The following HNRNPC variants were observed in gnomAD, a reference collection of about 807,000 sequenced individuals.
The protein encoded by HNRNPC is heterogeneous nuclear ribonucleoprotein C.
A neutral mutation model predicts 33.2 loss-of-function variants in HNRNPC; 3 were observed. The observed-to-expected ratio is 0.09, with a 90% confidence interval of 0.04 to 0.23. The LOEUF is 0.23. Among genes scored for constraint, HNRNPC ranks in the 10% least tolerant of loss-of-function variants. The pLI is 1.00. For synonymous variants in HNRNPC, 121 were observed against 126.7 expected (o/e 0.96, Z 0.30); for missense variants, 143 against 366.7 (o/e 0.39, Z 4.98).
At chr14:21,230,248 C>G (rs1893963323) in intron 5 of HNRNPC, 71 bp downstream of exon 5, 2 of 1,127,216 alleles carry the variant, frequency 1.8e-6, no homozygotes, top group Non-Finnish European at 1.3e-6. Context: ...TGTTCATCAC[C>G]ACAAACCAGA....
chr14:21,251,100 A>G (rs1896605144), intron 2 of HNRNPC, among the ~76,000 whole-genome samples: 1 of 151,798 alleles, frequency 6.6e-6, no homozygotes. Context: ...TCTCTACTGA[A>G]AACACAAAAA....
At chr14:21,241,243 G>A (rs1895301387) in intron 2 of HNRNPC, among the ~76,000 whole-genome samples, 1 of 123,632 alleles carries the variant, frequency 8.1e-6, no homozygotes, top group Non-Finnish European at 1.6e-5. Flanking sequence ...TGGGAACAGA[G>A]CAAGACTATG....
At chr14:21,231,297 C>T (rs1894084780) in intron 3 of HNRNPC, 1 of 639,438 alleles carries the variant, frequency 1.6e-6, no homozygotes, top group Non-Finnish European at 2.9e-6. Flanking sequence ...CCATGCCCAG[C>T]TAATACAAAC....
Position 21,257,716 on chromosome 14 carries a change from G to A in HNRNPC, c.-37+5595C>T, listed in dbSNP as rs116355556. Among the ~76,000 whole-genome samples the A allele has an allele frequency of 8.2e-3, 1,254 of 152,230 alleles. 20 individuals are homozygous for A. The highest frequency in any genetic ancestry group is 0.029 in the African/African-American group (1,199 of 41,536). On this transcript the variant is annotated intron_variant, in intron 2 of 8. Coordinates refer to ENST00000553300, the MANE Select transcript of HNRNPC (RefSeq NM_004500.4). ...TTCTACCGCCTCAGCCTCCCAGGGA[G>A]CTACACTACAGCTGTGTGCCACCGT...
intron 5 of HNRNPC, among the ~76,000 whole-genome samples, chr14:21,214,943 T>C (rs1366893400): frequency 6.6e-6 from 1 of 152,112 alleles, no homozygotes; most frequent in Admixed American, 6.6e-5. Context: ...CTAATCTACC[T>C]CCTAAGCCAC....
At chr14:21,232,970 G>A (rs1176297308) in intron 3 of HNRNPC, among the ~76,000 whole-genome samples, 1 of 151,924 alleles carries the variant, frequency 6.6e-6, no homozygotes, top group Non-Finnish European at 1.5e-5. Flanking sequence ...CCGGGAGGCT[G>A]AGGTTACAAT....
intron 2 of HNRNPC, among the ~76,000 whole-genome samples, chr14:21,243,780 A>G (rs951571353): frequency 1.3e-5 from 2 of 152,150 alleles, no homozygotes; most frequent in Non-Finnish European, 2.9e-5. Flanking sequence ...TCTTTTATAT[A>G]AATCTGTGAC....
At chr14:21,238,555 TA>T (rs1412953135) in intron 2 of HNRNPC, among the ~76,000 whole-genome samples, 2 of 152,172 alleles carry the variant, frequency 1.3e-5, no homozygotes, top group Non-Finnish European at 2.9e-5. Flanking sequence ...AAATATTCCT[TA>T]AAACAGAAAA....
intron 5 of HNRNPC, among the ~76,000 whole-genome samples, chr14:21,226,629 G>A (rs1293869827): frequency 6.6e-6 from 1 of 152,006 alleles, no homozygotes; most frequent in Non-Finnish European, 1.5e-5. Context: ...GGCCAAGGCA[G>A]GGAGATCCCT....
At chr14:21,212,690 G>A (rs1162349521) in intron 6 of HNRNPC, among the ~76,000 whole-genome samples, 3 of 151,874 alleles carry the variant, frequency 2.0e-5, no homozygotes, top group Admixed American at 6.6e-5. Context: ...TTACATGCAC[G>A]CACCACCATC....
intron 2 of HNRNPC, among the ~76,000 whole-genome samples, chr14:21,235,882 C>T (rs117866221): frequency 0.017 from 2,592 of 152,038 alleles, 36 homozygotes; most frequent in Non-Finnish European, 0.027. Context: ...TGAGGGGCTC[C>T]GTAAGCCAAC....
In HNRNPC at chr14:21,268,191, G is replaced by GT. The variant is rs139184020; in HGVS notation, c.-63+1106dup. Among the ~76,000 whole-genome samples, 980 of 152,154 alleles carry GT rather than the reference G, an allele frequency of 6.4e-3. 12 individuals carry two copies. The highest frequency in any genetic ancestry group is 0.021 in the African/African-American group (873 of 41,524). Reference sequence around the variant, plus strand: ...CTAAACAATTTTTTTTAACTTTTAAGTTTTTTATCAAATTTCAGCACCCAG... The same window carrying GT: ...CTAAACAATTTTTTTTAACTTTTAAGTTTTTTTATCAAATTTCAGCACCCAG... On this transcript the variant is annotated intron_variant, in intron 1 of 8. Coordinates refer to ENST00000553300, the MANE Select transcript of HNRNPC (RefSeq NM_004500.4).
At chr14:21,250,437 AATT>A (rs1896506427) in intron 2 of HNRNPC, among the ~76,000 whole-genome samples, 1 of 152,180 alleles carries the variant, frequency 6.6e-6, no homozygotes, top group Admixed American at 6.5e-5. Flanking sequence ...CAAGGAAAAA[AATT>A]ATAACTATGA....
chr14:21,214,520 A>G (rs1283927810), intron 5 of HNRNPC, among the ~76,000 whole-genome samples: 1 of 152,138 alleles, frequency 6.6e-6, no homozygotes, highest in African/African-American at 2.4e-5. Flanking sequence ...TGAGCCCAGG[A>G]GGTGAGAGAA....
At chr14:21,226,988 A>T (rs2139596599) in intron 5 of HNRNPC, among the ~76,000 whole-genome samples, 1 of 152,180 alleles carries the variant, frequency 6.6e-6, no homozygotes, top group Admixed American at 6.5e-5. Context: ...TTGATTAAAC[A>T]ATTTAACATA....
At chr14:21,213,317 T>C in intron 5 of HNRNPC, 200 bp from the exon 6 acceptor site, 1 of 555,604 alleles carries the variant, frequency 1.8e-6, no homozygotes, top group Non-Finnish European at 3.2e-6. Flanking sequence ...GCACATAAAA[T>C]AGTTGTAATA....
intron 5 of HNRNPC, among the ~76,000 whole-genome samples, chr14:21,227,301 A>G (rs1297826389): frequency 3.9e-5 from 6 of 152,160 alleles, no homozygotes; most frequent in African/African-American, 1.4e-4. Flanking sequence ...GTAAGTTCCC[A>G]TCATGTGGAC....
chr14:21,239,967 T>C (rs1335144314), intron 2 of HNRNPC, among the ~76,000 whole-genome samples: 1 of 152,098 alleles, frequency 6.6e-6, no homozygotes, highest in Admixed American at 6.6e-5. Flanking sequence ...TATTATATAC[T>C]ATAATTTCAT....
chr14:21,266,260 G>A (rs373634180), intron 1 of HNRNPC, among the ~76,000 whole-genome samples: 3 of 151,960 alleles, frequency 2.0e-5, no homozygotes, highest in African/African-American at 7.3e-5. Context: ...GCGCCAGCAC[G>A]CCAAGCTAAT....
Sources: gnomAD v4.1 joint callset for allele counts (sites outside exome capture counted in the v4.1 genomes callset) on GRCh38, gnomAD v4.1.1 for gene constraint, MANE v1.5 for transcripts, NCBI Gene and HGNC (gene_info 2026-07-23, HGNC 2026-07-21) for gene names.